Variants in PIK3C3 observed in about 807,000 individuals in gnomAD.
PIK3C3 encodes the protein PI3-kinase type 3.
A neutral mutation model predicts 126.1 loss-of-function variants in PIK3C3; 95 were observed. That is an observed-to-expected ratio of 0.75 (90% CI 0.64 to 0.89). The LOEUF (loss-of-function observed/expected upper bound fraction) is 0.89, where lower values mean the gene tolerates loss of function less well. Among genes scored for constraint, PIK3C3 ranks in the 40% least tolerant of loss-of-function variants. The pLI is 0.00. For synonymous variants in PIK3C3, 374 were observed against 360.0 expected (o/e 1.04, Z -0.44); for missense variants, 829 against 1,063.2 (o/e 0.78, Z 3.06).
intron 20 of PIK3C3, among the ~76,000 whole-genome samples, chr18:42,046,432 C>T (rs1038041154): frequency 5.3e-5 from 8 of 152,110 alleles, no homozygotes; most frequent in Non-Finnish European, 1.0e-4. Flanking sequence ...TTCTCACATA[C>T]ACACATATCT....
intron 24 of PIK3C3, among the ~76,000 whole-genome samples, chr18:42,079,994 AGAGAGTGT>A (rs1986188519): frequency 7.3e-6 from 1 of 136,284 alleles, no homozygotes; most frequent in Non-Finnish European, 1.5e-5. Flanking sequence ...TATGTAAGAG[AGAGAGTGT>A]GTGTGTGTGT....
chr18:42,027,153 C>G (rs1034820945), intron 13 of PIK3C3: 3 of 201,224 alleles, frequency 1.5e-5, no homozygotes, highest in African/African-American at 2.4e-5. Flanking sequence ...TGTTAATACT[C>G]TACCTCATAA....
intron 22 of PIK3C3, among the ~76,000 whole-genome samples, chr18:42,061,846 C>A (rs150898050): frequency 6.6e-6 from 1 of 152,156 alleles, no homozygotes; most frequent in Non-Finnish European, 1.5e-5. Flanking sequence ...AGGAGGTAAT[C>A]CAGAAAGCAT....
At chr18:42,064,898 C>A in intron 23 of PIK3C3, 68 bp downstream of exon 23, 1 of 810,498 alleles carries the variant, frequency 1.2e-6, no homozygotes, top group Non-Finnish European at 2.1e-6. Context: ...AATACAACAA[C>A]CTCTCAAGTC....
At chr18:41,959,028 C>T (rs1172176077) in intron 2 of PIK3C3, among the ~76,000 whole-genome samples, 6 of 152,240 alleles carry the variant, frequency 3.9e-5, no homozygotes, top group Admixed American at 3.9e-4. Flanking sequence ...TTAATTGTAT[C>T]AGAGATTCTT....
At chr18:42,068,820 G>C (rs971000918) in intron 24 of PIK3C3, among the ~76,000 whole-genome samples, 5 of 151,838 alleles carry the variant, frequency 3.3e-5, no homozygotes, top group African/African-American at 1.2e-4. Flanking sequence ...TGTGATGGCG[G>C]GCGCCTGTAG....
chr18:42,021,778 G>A (rs1251611685), intron 13 of PIK3C3, among the ~76,000 whole-genome samples: 1 of 152,100 alleles, frequency 6.6e-6, no homozygotes, highest in Non-Finnish European at 1.5e-5. Flanking sequence ...TATGATCATT[G>A]ACATGAGGTG....
chr18:41,976,811 A>G (rs1037731479), intron 4 of PIK3C3, among the ~76,000 whole-genome samples: 2 of 152,206 alleles, frequency 1.3e-5, no homozygotes, highest in Admixed American at 6.5e-5. Context: ...GGACTTATGC[A>G]CTACATTGTT....
rs1409216202 is a variant in PIK3C3 at position 42,074,637 on chromosome 18, CG to C, written c.2650-6485del. ...GCAGGTTTAAAGCATTACTAGTACT[CG>C]TATGTTAAATATAAGTACAGATCTT... On this transcript the variant is annotated intron_variant, in intron 24 of 24. Transcript: ENST00000262039. Among the ~76,000 whole-genome samples the C allele has an allele frequency of 3.3e-5, 5 of 152,148 alleles. No homozygotes were observed. In the East Asian group the frequency reaches 7.7e-4, roughly 23 times the overall value.
chr18:42,076,194 A>ACATATATATATATATG (rs1568013956), intron 24 of PIK3C3, among the ~76,000 whole-genome samples: 3 of 99,502 alleles, frequency 3.0e-5, no homozygotes, highest in East Asian at 7.5e-4. Context: ...ATATATATGC[A>ACATATATATATATATG]CACATATATA....
chr18:42,022,188 G>T (rs914830637), intron 13 of PIK3C3, among the ~76,000 whole-genome samples: 2 of 151,984 alleles, frequency 1.3e-5, no homozygotes, highest in South Asian at 2.1e-4. Context: ...TGTGCACAAC[G>T]TGCAGGTTTG....
At chr18:42,025,964 T>C (rs1303432868) in intron 13 of PIK3C3, 1 of 152,192 alleles carries the variant, frequency 6.6e-6, no homozygotes, top group East Asian at 1.9e-4. Context: ...CTCATGAAGT[T>C]GACCATCTGA....
intron 24 of PIK3C3, among the ~76,000 whole-genome samples, chr18:42,076,884 G>T (rs1986053912): frequency 2.0e-5 from 3 of 152,076 alleles, no homozygotes; most frequent in African/African-American, 7.2e-5. Flanking sequence ...TCTGTGTTCT[G>T]TCAAAACCTT....
chr18:41,994,071 A>G (rs1023091147), intron 7 of PIK3C3, among the ~76,000 whole-genome samples: 2 of 152,140 alleles, frequency 1.3e-5, no homozygotes, highest in Admixed American at 1.3e-4. Flanking sequence ...TACCTTCCTC[A>G]TCAGACCAAA....
Position 42,049,520 on chromosome 18 carries a change from T to C in PIK3C3, c.2189-11T>C. On this transcript the variant is annotated splice_polypyrimidine_tract_variant and intron_variant, in intron 20 of 24. Transcript: ENST00000262039. ...TTTGTTTTCACATATTTTTTTTAACTGTTACTGCAGCTGGATATTGCGTGA... is the reference window on the plus strand; with the variant it reads ...TTTGTTTTCACATATTTTTTTTAACCGTTACTGCAGCTGGATATTGCGTGA... 1 of 1,607,728 alleles carries C rather than the reference T, an allele frequency of 6.2e-7. No individual in the cohort carries two copies. The highest frequency in any genetic ancestry group is 8.5e-7 in the Non-Finnish European group (1 of 1,174,620).
At chr18:42,072,708 TA>T (rs888762175) in intron 24 of PIK3C3, among the ~76,000 whole-genome samples, 34 of 152,068 alleles carry the variant, frequency 2.2e-4, no homozygotes, top group Middle Eastern at 3.4e-3. Flanking sequence ...ATTTTTAATT[TA>T]TTTTTTTGTA....
At chr18:41,992,056 T>C (rs112109041) in intron 6 of PIK3C3, among the ~76,000 whole-genome samples, 2,568 of 152,308 alleles carry the variant, frequency 0.017, 26 homozygotes, top group Non-Finnish European at 0.024. Context: ...GACAGCTTGA[T>C]AGCAGATGAA....
intron 24 of PIK3C3, among the ~76,000 whole-genome samples, chr18:42,076,617 A>G (rs1391066920): frequency 1.3e-5 from 2 of 152,346 alleles, no homozygotes; most frequent in East Asian, 3.9e-4. Flanking sequence ...AACAAAGAAT[A>G]CAGGCACTTG....
chr18:42,020,490 T>G, intron 12 of PIK3C3, 148 bp from the exon 13 acceptor site: 2 of 532,256 alleles, frequency 3.8e-6, no homozygotes. Flanking sequence ...ATGTTTTATG[T>G]ATGTATGTAA....
Sources: allele counts gnomAD v4.1 joint callset (sites outside exome capture counted in the v4.1 genomes callset), GRCh38; gene constraint gnomAD v4.1.1; transcripts MANE v1.5; gene names NCBI Gene and HGNC (gene_info 2026-07-23, HGNC 2026-07-21).